The following SF3B6 variants were observed in gnomAD, a reference collection of about 807,000 sequenced individuals.
SF3B6 encodes the protein splicing factor 3b subunit 6.
A neutral mutation model predicts 15.9 loss-of-function variants in SF3B6; 3 were observed. The observed-to-expected ratio is 0.19, with a 90% CI of 0.09 to 0.49. The LOEUF is 0.49. SF3B6 is among the 20% of genes least tolerant of loss of function. The probability of loss-of-function intolerance (pLI) is 0.97; values close to 1 mark genes in which losing one functional copy is unlikely to be tolerated. For missense variants in SF3B6, 71 were observed against 154.3 expected (o/e 0.46, Z 2.86); for synonymous variants, 49 against 51.1 (o/e 0.96, Z 0.18).
chr2:24,072,342 C>T (rs1436527343), intron 2 of SF3B6, among the ~76,000 whole-genome samples: 1 of 152,120 alleles, frequency 6.6e-6, no homozygotes, highest in African/African-American at 2.4e-5. Flanking sequence ...TACCATGTAT[C>T]GCACAAGTGC....
intron 1 of SF3B6, 113 bp from the exon 2 acceptor site, chr2:24,074,307 TAAA>T: frequency 1.7e-6 from 1 of 593,700 alleles, no homozygotes; most frequent in African/African-American, 1.9e-5. Flanking sequence ...TACGTAATAA[TAAA>T]AAGCCAAGAA....
chr2:24,075,888 A>T (rs1664736471), intron 1 of SF3B6, among the ~76,000 whole-genome samples: 1 of 152,080 alleles, frequency 6.6e-6, no homozygotes, highest in African/African-American at 2.4e-5. Context: ...CTTCTGAGAT[A>T]TCGACTTTAA....
intron 2 of SF3B6, 105 bp downstream of exon 2, chr2:24,073,971 A>AG (rs1230103789): frequency 1.4e-6 from 1 of 726,650 alleles, no homozygotes; most frequent in Non-Finnish European, 2.4e-6. Context: ...GCTCTTGGTA[A>AG]GGGTTGTCGC....
chr2:24,075,799 G>A (rs936419451), intron 1 of SF3B6, among the ~76,000 whole-genome samples: 1 of 151,988 alleles, frequency 6.6e-6, no homozygotes, highest in African/African-American at 2.4e-5. Flanking sequence ...ATGTGTTAAT[G>A]AAGGATCCGA....
chr2:24,071,473 TG>T (rs1339326780), intron 2 of SF3B6, among the ~76,000 whole-genome samples: 1 of 151,992 alleles, frequency 6.6e-6, no homozygotes, highest in Non-Finnish European at 1.5e-5. Context: ...GGCATGCTGG[TG>T]GGTGCCTGTA....
intron 2 of SF3B6, among the ~76,000 whole-genome samples, chr2:24,071,604 T>C (rs1664652272): frequency 1.3e-5 from 2 of 152,076 alleles, no homozygotes; most frequent in South Asian, 4.1e-4. Context: ...AAACTCCATC[T>C]TAAAAAAAGA....
chr2:24,072,657 A>T (rs1473459724), intron 2 of SF3B6, among the ~76,000 whole-genome samples: 1 of 152,246 alleles, frequency 6.6e-6, no homozygotes, highest in African/African-American at 2.4e-5. Context: ...CCAGTTTCGT[A>T]AGAGTAGGCA....
At chr2:24,072,664 G>A (rs1664676312) in intron 2 of SF3B6, among the ~76,000 whole-genome samples, 2 of 152,140 alleles carry the variant, frequency 1.3e-5, no homozygotes, top group South Asian at 4.2e-4. Context: ...CGTAAGAGTA[G>A]GCAAGCCAGT....
chr2:24,068,421 A>G lies in SF3B6; in HGVS notation c.188T>C (p.Val63Ala). ...TPETRGTAYV[V>A]YEDIFDAKNA... ...CTTGGCATCAAAGATGTCCTCATAG[A>G]CCACATAAGCTGTTCCTCTAGTTTC... The change falls in exon 3 of 4, where the codon GTC becomes GCC. Residue 63 changes from valine to alanine, a missense_variant. Transcript: ENST00000233468. 1.2e-6 allele frequency: 2 copies of G among 1,614,086 alleles called. No individual in the cohort carries two copies. The highest frequency in any genetic ancestry group is 1.7e-6 in the Non-Finnish European group (2 of 1,179,988).
chr2:24,075,302 C>T (rs943156989), intron 1 of SF3B6, among the ~76,000 whole-genome samples: 14 of 151,432 alleles, frequency 9.2e-5, no homozygotes, highest in African/African-American at 3.4e-4. Context: ...CAAAAGTCTC[C>T]ATTTACATAT....
chr2:24,074,379 C>T (rs1353350396), intron 1 of SF3B6, among the ~76,000 whole-genome samples, 185 bp from the exon 2 acceptor site: 3 of 152,218 alleles, frequency 2.0e-5, no homozygotes, highest in Non-Finnish European at 4.4e-5. Flanking sequence ...GCAACAGAGG[C>T]TGGGTGCAGT....
intron 2 of SF3B6, among the ~76,000 whole-genome samples, chr2:24,069,066 T>TCCTC (rs1558353324): frequency 2.0e-5 from 3 of 152,212 alleles, no homozygotes; most frequent in African/African-American, 7.2e-5. Flanking sequence ...AGGCTGGTCT[T>TCCTC]AAACTCCTGA....
rs1012691714 is a variant in SF3B6 at position 24,076,293 on chromosome 2, G to T, written c.-64C>A. On this transcript the variant is annotated 5_prime_UTR_variant, in exon 1 of 4. Coordinates refer to ENST00000233468, the MANE Select transcript of SF3B6 (RefSeq NM_016047.4). ...ATTCCTCCGGAGCTCGCTCGGCTTCGGGGGTTACACCGCGTTAGATGCAGG... is the reference window on the plus strand; with the variant it reads ...ATTCCTCCGGAGCTCGCTCGGCTTCTGGGGTTACACCGCGTTAGATGCAGG... The T allele has an allele frequency of 3.1e-6, 5 of 1,600,048 alleles. No homozygotes were observed. The African/African-American group carries it at 5.4e-5, about 17-fold the overall frequency.
At position 24,068,436 on chromosome 2, in the gene SF3B6, C is replaced by G; in HGVS notation, c.173G>C (p.Gly58Ala). ...IRVGNTPETR[G>A]TAYVVYEDIF... ...GTCCTCATAGACCACATAAGCTGTT[C>G]CTCTAGTTTCAGGTGTGTTCCCCCT... The change falls in exon 3 of 4, where the codon GGA becomes GCA. Residue 58 changes from glycine (G) to alanine (A), a missense_variant. Coordinates refer to ENST00000233468, the MANE Select transcript of SF3B6 (RefSeq NM_016047.4). 6.2e-7 allele frequency: 1 copy of G among 1,613,372 alleles called. No individual in the cohort carries two copies. The highest frequency in any genetic ancestry group is 2.2e-5 in the East Asian group (1 of 44,866).
In SF3B6 at chr2:24,076,231, T is replaced by C. The variant is rs1292631427; in HGVS notation, c.-2A>G. 2 of 1,614,220 alleles carry C rather than the reference T, an allele frequency of 1.2e-6. No homozygotes were observed. The highest frequency in any genetic ancestry group is 2.2e-5 in the East Asian group (1 of 44,880). ...CCTCTTGGCCGCTTGCATCGCCATC[T>C]TGGCGGGCTGATGAAGTTACCGTAG... is the stretch of plus-strand genomic sequence containing the variant. On this transcript the variant is annotated 5_prime_UTR_variant, in exon 1 of 4. Coordinates refer to ENST00000233468, the MANE Select transcript of SF3B6 (RefSeq NM_016047.4).
chr2:24,069,918 T>C (rs1302509253), intron 2 of SF3B6, among the ~76,000 whole-genome samples: 2 of 152,230 alleles, frequency 1.3e-5, no homozygotes, highest in Non-Finnish European at 2.9e-5. Flanking sequence ...ATCTTATGCG[T>C]ACTTCATTTA....
intron 3 of SF3B6, 111 bp from the exon 4 acceptor site, chr2:24,067,962 C>A: frequency 1.2e-6 from 1 of 850,142 alleles, no homozygotes; most frequent in Non-Finnish European, 1.9e-6. Flanking sequence ...CATCACAGTA[C>A]AGTTCTACAC....
At chr2:24,071,155 G>A (rs1664646406) in intron 2 of SF3B6, among the ~76,000 whole-genome samples, 2 of 151,564 alleles carry the variant, frequency 1.3e-5, no homozygotes, top group African/African-American at 2.4e-5. Context: ...ACCACGCCTG[G>A]CTAAGTTTTG....
chr2:24,076,108 G>A, intron 1 of SF3B6, 92 bp downstream of exon 1: 1 of 1,504,452 alleles, frequency 6.6e-7, no homozygotes, highest in South Asian at 1.1e-5. Context: ...TCCGCTCTGG[G>A]GACGGAGGAG....
Sources: allele counts gnomAD v4.1 joint callset (sites outside exome capture counted in the v4.1 genomes callset), GRCh38; gene constraint gnomAD v4.1.1; transcripts MANE v1.5; gene names NCBI Gene and HGNC (gene_info 2026-07-23, HGNC 2026-07-21).